The following PRH1 variants were observed in gnomAD, a reference collection of about 807,000 sequenced individuals.
The protein encoded by PRH1 is salivary acidic proline-rich phosphoprotein 1/2.
PRH1 carries 7 observed loss-of-function variants against 7.9 expected under a neutral mutation model. The ratio of observed to expected loss-of-function variants is 0.89; its 90% CI spans 0.50 to 1.67. The LOEUF (loss-of-function observed/expected upper bound fraction) is 1.67. Among genes scored for constraint, PRH1 ranks in the 40% most tolerant of loss-of-function variants. PRH1 has a pLI of 0.00. For synonymous variants in PRH1, 45 were observed against 80.8 expected, an observed-to-expected ratio of 0.56 and a Z score of 2.38; for missense variants, 109 against 223.6, an observed-to-expected ratio of 0.49 and a Z score of 3.27.
intron 1 of PRH1, among the ~76,000 whole-genome samples, chr12:11,060,760 T>A (rs76332687): frequency 2.5e-4 from 19 of 75,656 alleles, no homozygotes; most frequent in East Asian, 5.1e-4. Flanking sequence ...CAAATTTTAT[T>A]GTGTGCATTG....
At chr12:11,160,525 C>A (rs973982630) in intron 1 of PRH1, among the ~76,000 whole-genome samples, 16 of 152,126 alleles carry the variant, frequency 1.1e-4, no homozygotes, top group Non-Finnish European at 8.8e-5. Flanking sequence ...GGCTGTACTG[C>A]AGTGGCACAA....
At chr12:10,939,344 A>G (rs890606942) in intron 2 of PRH1, 3 of 563,546 alleles carry the variant, frequency 5.3e-6, no homozygotes, top group Non-Finnish European at 8.9e-6. Flanking sequence ...TAAACCAGCA[A>G]CCATCCAGAT....
chr12:11,022,401 A>G (rs1466478696), intron 1 of PRH1: 1 of 1,613,706 alleles, frequency 6.2e-7, no homozygotes, highest in Non-Finnish European at 8.5e-7. Flanking sequence ...CCCAGAGTAA[A>G]CCAATTCTGG....
intron 1 of PRH1, among the ~76,000 whole-genome samples, chr12:11,156,040 T>C (rs1947237169): frequency 6.6e-6 from 1 of 152,230 alleles, no homozygotes; most frequent in Admixed American, 6.5e-5. Flanking sequence ...GTCCTTTTAG[T>C]TACGCACATT....
At chr12:10,922,861 G>A (rs1307570693) in intron 2 of PRH1, among the ~76,000 whole-genome samples, 4 of 101,174 alleles carry the variant, frequency 4.0e-5, no homozygotes, top group Admixed American at 3.0e-4. Context: ...TCGCTCTGTC[G>A]CCCAGGCCGG....
intron 1 of PRH1, chr12:11,159,391 A>C (rs986727664): frequency 1.3e-5 from 2 of 151,042 alleles, no homozygotes; most frequent in African/African-American, 4.9e-5. Context: ...ATGCTTAGGC[A>C]GGTGGCAAAC....
chr12:11,104,519 T>C (rs1167815798), intron 1 of PRH1, among the ~76,000 whole-genome samples: 1 of 152,208 alleles, frequency 6.6e-6, no homozygotes, highest in Non-Finnish European at 1.5e-5. Context: ...TGTAAACATG[T>C]CAGTCTTGTT....
chr12:10,919,025 T>C (rs1950010978), intron 2 of PRH1, among the ~76,000 whole-genome samples: 1 of 152,168 alleles, frequency 6.6e-6, no homozygotes, highest in South Asian at 2.1e-4. Context: ...TAATATCATG[T>C]TTAAACATGT....
intron 1 of PRH1, among the ~76,000 whole-genome samples, chr12:10,988,300 T>C (rs913199188): frequency 1.3e-5 from 2 of 152,070 alleles, no homozygotes; most frequent in African/African-American, 2.4e-5. Context: ...TGGGGAAATA[T>C]ATTTGCCCCT....
chr12:10,917,302 T>A (rs939473193), intron 2 of PRH1, among the ~76,000 whole-genome samples: 1 of 149,862 alleles, frequency 6.7e-6, no homozygotes, highest in African/African-American at 2.4e-5. Context: ...TAATTTTTTT[T>A]ATTTTCAACT....
chr12:10,900,932 T>C (rs1349560799), intron 2 of PRH1, among the ~76,000 whole-genome samples: 2 of 152,074 alleles, frequency 1.3e-5, no homozygotes, highest in African/African-American at 4.8e-5. Flanking sequence ...CATGGTGCAA[T>C]GGGGCCCTCT....
At chr12:10,936,207 G>A (rs1950285899) in intron 2 of PRH1, among the ~76,000 whole-genome samples, 1 of 150,958 alleles carries the variant, frequency 6.6e-6, no homozygotes, top group African/African-American at 2.4e-5. Context: ...TACTGGGGAA[G>A]ACAAACCAGT....
intron 1 of PRH1, among the ~76,000 whole-genome samples, chr12:11,137,353 G>C (rs1317092526): frequency 1.3e-5 from 2 of 152,102 alleles, no homozygotes; most frequent in Admixed American, 6.5e-5. Context: ...AACTGAATCT[G>C]GTGCTTCTAA....
intron 1 of PRH1, among the ~76,000 whole-genome samples, chr12:11,099,276 G>A (rs1403314454): frequency 6.6e-5 from 10 of 151,988 alleles, no homozygotes; most frequent in South Asian, 6.2e-4. Flanking sequence ...TGAGAATATC[G>A]CCTCGCAAGT....
At chr12:11,157,717 T>C (rs1947295913) in intron 1 of PRH1, among the ~76,000 whole-genome samples, 1 of 152,210 alleles carries the variant, frequency 6.6e-6, no homozygotes, top group African/African-American at 2.4e-5. Flanking sequence ...ATAATGCAAC[T>C]TACCCACAAT....
rs571126924 is a variant in PRH1 at position 10,988,947 on chromosome 12, C to T, written c.-125-15226G>A. On this transcript the variant is annotated intron_variant, in intron 1 of 3. Coordinates refer to the PRH1 transcript ENST00000539853. Reference sequence around the variant, plus strand: ...TCAGCCTTCCAAGTAGCTGGGACTACAGGCGCATGCCACCACACCCAGCTA... The same window carrying T: ...TCAGCCTTCCAAGTAGCTGGGACTATAGGCGCATGCCACCACACCCAGCTA... Among the ~76,000 whole-genome samples, 1,001 of 152,274 alleles carry T rather than the reference C, an allele frequency of 6.6e-3. 17 individuals are homozygous for T. The highest frequency in any genetic ancestry group is 0.023 in the African/African-American group (956 of 41,516).
Position 11,166,656 on chromosome 12 carries a change from A to G in PRH1, n.39+4766T>C, listed in dbSNP as rs530500300. Among the ~76,000 whole-genome samples the G allele has an allele frequency of 5.9e-5, 9 of 152,308 alleles. No homozygotes were observed. The East Asian group carries it at 1.7e-3, about 29-fold the overall frequency. ...GTGTAAATGGGCTTCTCCAGTTTCT[A>G]TTACTCCACTTTAAAACTTAAGAAG... On this transcript the variant is annotated intron_variant and non_coding_transcript_variant, in intron 1 of 1. Transcript: ENST00000541175.
chr12:11,039,153 G>A (rs1362281057), intron 1 of PRH1, among the ~76,000 whole-genome samples: 2 of 152,304 alleles, frequency 1.3e-5, no homozygotes, highest in East Asian at 1.9e-4. Flanking sequence ...ATATATTATT[G>A]TTGTTATTGA....
At chr12:11,147,917 G>A (rs1447609054) in intron 1 of PRH1, among the ~76,000 whole-genome samples, 1 of 150,974 alleles carries the variant, frequency 6.6e-6, no homozygotes, top group East Asian at 1.9e-4. Flanking sequence ...TCCTACCCAT[G>A]AGCATGGAAT....
Sources: gnomAD v4.1 joint callset for allele counts (sites outside exome capture counted in the v4.1 genomes callset) on GRCh38, gnomAD v4.1.1 for gene constraint, MANE v1.5 for transcripts, NCBI Gene and HGNC (gene_info 2026-07-23, HGNC 2026-07-21) for gene names.